The following ITGA6 variants were observed in gnomAD, a reference collection of about 807,000 sequenced individuals.
ITGA6 encodes the protein integrin alpha-6.
ITGA6 carries 63 observed loss-of-function variants against 133.6 expected under a neutral mutation model. The observed-to-expected ratio is 0.47, with a 90% CI of 0.38 to 0.58. ITGA6 has a LOEUF of 0.58. Among genes scored for constraint, ITGA6 ranks in the 20% least tolerant of loss-of-function variants. The pLI, the probability that ITGA6 is intolerant of heterozygous loss-of-function variation, is 0.00. For synonymous variants in ITGA6, 434 were observed against 482.0 expected, an observed-to-expected ratio of 0.90 and a Z score of 1.30; for missense variants, 1,068 against 1,309.4, an observed-to-expected ratio of 0.82 and a Z score of 2.85.
chr2:172,451,957 A>G lies in ITGA6; in HGVS notation c.183-13582A>G, dbSNP rs532125916. On this transcript the variant is annotated intron_variant, in intron 1 of 25. Transcript: ENST00000684293. ...CCTGTTCTTTTTGAAATCACATGGTACTTAAAGATATTTATATTATCTTCT... is the reference window on the plus strand; with the variant it reads ...CCTGTTCTTTTTGAAATCACATGGTGCTTAAAGATATTTATATTATCTTCT... Among the ~76,000 whole-genome samples, 6 of 151,906 alleles carry G rather than the reference A, an allele frequency of 3.9e-5. No homozygotes were observed. In the East Asian group the frequency reaches 1.2e-3, roughly 29 times the overall value.
chr2:172,432,237 T>G (rs1684132025), intron 1 of ITGA6, among the ~76,000 whole-genome samples: 1 of 152,176 alleles, frequency 6.6e-6, no homozygotes, highest in South Asian at 2.1e-4. Flanking sequence ...AAGAACCAGT[T>G]TAAAATTTCC....
chr2:172,481,543 T>A (rs889337281), intron 11 of ITGA6, among the ~76,000 whole-genome samples: 8 of 152,232 alleles, frequency 5.3e-5, no homozygotes, highest in Non-Finnish European at 1.5e-5. Context: ...TAATTTTTTT[T>A]AAGTCCCCCT....
At chr2:172,429,970 G>A (rs1340612534) in intron 1 of ITGA6, among the ~76,000 whole-genome samples, 1 of 152,092 alleles carries the variant, frequency 6.6e-6, no homozygotes, top group Non-Finnish European at 1.5e-5. Context: ...AAGAATGTGG[G>A]TGTAAATGGC....
intron 23 of ITGA6, among the ~76,000 whole-genome samples, chr2:172,495,127 G>A (rs921905331): frequency 1.5e-4 from 23 of 152,302 alleles, no homozygotes; most frequent in African/African-American, 4.8e-4. Flanking sequence ...AGAACAGTGG[G>A]TGGTACATTA....
rs1242494849 is a variant in ITGA6 at position 172,505,571 on chromosome 2, T to C, written c.*1503T>C. On this transcript the variant is annotated 3_prime_UTR_variant, in exon 26 of 26. Transcript: ENST00000684293. ...ACATTCAACAGAGACTGAATAGATA[T>C]GAAAGCTGATTTTTTTTAATTACCA... The C allele has an allele frequency of 6.6e-6, 1 of 152,602 alleles. No homozygotes were observed. Among genetic ancestry groups the C allele is most frequent in the Non-Finnish European group, 1.5e-5 (1 of 68,018 alleles). 9.5% of individuals were successfully genotyped at this position (152,602 alleles called of 1,614,324 possible). A position where few individuals can be genotyped will look rare whatever the true frequency, so the allele number is the denominator to read the frequency against.
intron 9 of ITGA6, among the ~76,000 whole-genome samples, chr2:172,477,100 G>A (rs6730905): frequency 0.4 from 60,654 of 151,484 alleles, 12,394 homozygotes; most frequent in East Asian, 0.61. Context: ...ACGTTGCTTC[G>A]CAATTTTTTT....
chr2:172,441,881 C>T (rs776842350), intron 1 of ITGA6, among the ~76,000 whole-genome samples: 7 of 152,178 alleles, frequency 4.6e-5, no homozygotes, highest in Non-Finnish European at 1.0e-4. Context: ...TCATTTCCCA[C>T]TAGAACCCCA....
In ITGA6 at chr2:172,470,840, C is replaced by T. The variant is rs74986298; in HGVS notation, c.644-134C>T. 33,905 of 824,852 alleles carry T rather than the reference C, an allele frequency of 0.041. 930 individuals carry two copies. The highest frequency in any genetic ancestry group is 0.054 in the Non-Finnish European group (27,570 of 512,398). 51.1% of individuals were successfully genotyped at this position (824,852 alleles called of 1,614,324 possible). ...TATTTTACAACCATAAAAGTCATCT[C>T]TGTCCTTCCTTTTTTTCCTCCAAAT... On this transcript the variant is annotated intron_variant, in intron 4 of 25. Transcript: ENST00000684293.
chr2:172,486,536 G>A (rs1686687190), intron 13 of ITGA6, among the ~76,000 whole-genome samples: 1 of 152,258 alleles, frequency 6.6e-6, no homozygotes, highest in Non-Finnish European at 1.5e-5. Context: ...TCTCTACAAT[G>A]GAGATCATAA....
intron 5 of ITGA6, among the ~76,000 whole-genome samples, 169 bp downstream of exon 5, chr2:172,471,274 G>A (rs1685923350): frequency 6.6e-6 from 1 of 152,148 alleles, no homozygotes; most frequent in Admixed American, 6.5e-5. Context: ...GCGTTAAACC[G>A]ACTGATGCCT....
intron 23 of ITGA6, among the ~76,000 whole-genome samples, chr2:172,493,993 C>T (rs1357271831): frequency 6.6e-6 from 1 of 152,158 alleles, no homozygotes; most frequent in Non-Finnish European, 1.5e-5. Context: ...GGTTACTGGT[C>T]TCATATCTAG....
At chr2:172,428,991 A>G (rs1683999973) in intron 1 of ITGA6, among the ~76,000 whole-genome samples, 2 of 152,200 alleles carry the variant, frequency 1.3e-5, no homozygotes, top group Admixed American at 1.3e-4. Context: ...CTCCCCACCC[A>G]GGCCTTGAGT....
intron 2 of ITGA6, 151 bp downstream of exon 2, chr2:172,465,814 AT>A: frequency 4.5e-6 from 5 of 1,108,844 alleles, no homozygotes; most frequent in African/African-American, 1.5e-5. Context: ...CCCTGAAAAT[AT>A]TTACTTACTT....
At chr2:172,434,947 T>A (rs1280461809) in intron 1 of ITGA6, among the ~76,000 whole-genome samples, 1 of 152,116 alleles carries the variant, frequency 6.6e-6, no homozygotes, top group Non-Finnish European at 1.5e-5. Context: ...AAGAGCTCTG[T>A]TTGCTTTGCT....
At chr2:172,490,992 A>C (rs1487338892) in intron 20 of ITGA6, 32 bp from the exon 21 acceptor site, 1 of 1,055,682 alleles carries the variant, frequency 9.5e-7, no homozygotes, top group East Asian at 2.4e-5. Context: ...AATTACATAA[A>C]TTGGAACTAT....
At chr2:172,502,965 C>CT (rs3838596) in intron 25 of ITGA6, among the ~76,000 whole-genome samples, 29,876 of 150,462 alleles carry the variant, frequency 0.2, 4,165 homozygotes, top group African/African-American at 0.41. Flanking sequence ...GCTTTTTTTT[C>CT]TTTTTTTTTG....
At chr2:172,497,329 CAAAAAAATTTTT>C (rs1445720857) in intron 23 of ITGA6, among the ~76,000 whole-genome samples, 1 of 151,792 alleles carries the variant, frequency 6.6e-6, no homozygotes, top group Non-Finnish European at 1.5e-5. Flanking sequence ...CCTGTCTCAA[CAAAAAAATTTTT>C]AAAAAAATTA....
At chr2:172,462,837 C>T (rs550581195) in intron 1 of ITGA6, among the ~76,000 whole-genome samples, 2 of 152,328 alleles carry the variant, frequency 1.3e-5, no homozygotes, top group South Asian at 2.1e-4. Context: ...ACCCTTCGTC[C>T]TTTAGCGCTG....
At position 172,487,780 on chromosome 2, in the gene ITGA6, A is replaced by C. The variant is rs762004166; in HGVS notation, c.2297A>C (p.Asp766Ala). 1.9e-5 allele frequency: 30 copies of C among 1,611,520 alleles called. No individual in the cohort carries two copies. Among genetic ancestry groups the C allele is most frequent in the Non-Finnish European group, 2.2e-5 (26 of 1,177,832 alleles). Residue 766 changes from aspartate (D) to alanine (A), a missense_variant, in exon 17 of 26, where the codon GAT becomes GCT. Coordinates refer to ENST00000684293, the MANE Select transcript of ITGA6 (RefSeq NM_000210.4). Reference protein sequence around the residue: ...STTEVTFDTPDLDINLKLETT... With the variant: ...STTEVTFDTPALDINLKLETT... ...ACTGAAGTCACCTTTGACACCCCAG[A>C]TCTGGATATTAATCTGAAGTTAGAA...
Sources: gnomAD v4.1 joint callset for allele counts (sites outside exome capture counted in the v4.1 genomes callset) on GRCh38, gnomAD v4.1.1 for gene constraint, MANE v1.5 for transcripts, NCBI Gene and HGNC (gene_info 2026-07-23, HGNC 2026-07-21) for gene names.